The following BICD1 variants were observed in gnomAD, a reference collection of about 807,000 sequenced individuals.
BICD1 encodes protein bicaudal D homolog 1.
BICD1 carries 35 observed loss-of-function variants against 92.5 expected under a neutral mutation model. The ratio of observed to expected loss-of-function variants is 0.38; its 90% CI spans 0.29 to 0.50. The LOEUF (loss-of-function observed/expected upper bound fraction) is 0.50, where lower values mean the gene tolerates loss of function less well. Among genes scored for constraint, BICD1 ranks in the 20% least tolerant of loss-of-function variants. BICD1 has a pLI of 0.93. For missense variants in BICD1, 950 were observed against 1,189.8 expected, an observed-to-expected ratio of 0.80 and a Z score of 2.97; for synonymous variants, 429 against 465.1, an observed-to-expected ratio of 0.92 and a Z score of 1.00.
At chr12:32,305,635 A>G in intron 3 of BICD1, 62 bp from the exon 4 acceptor site, 1 of 1,471,770 alleles carries the variant, frequency 6.8e-7, no homozygotes, top group South Asian at 1.4e-5. Context: ...AGAGTGTTTA[A>G]TGGCAGTTTT....
At position 32,359,912 on chromosome 12, in the gene BICD1, G is replaced by A. The variant is rs149556448; in HGVS notation, c.2765-7758G>A. On this transcript the variant is annotated intron_variant, in intron 8 of 9. Transcript: ENST00000652176. Reference sequence around the variant, plus strand: ...AAGGATATGAGTATGTGGGCTGGGCGCAATGGCTCACACCTGTAATCCCAG... The same window carrying A: ...AAGGATATGAGTATGTGGGCTGGGCACAATGGCTCACACCTGTAATCCCAG... Among the ~76,000 whole-genome samples the A allele has an allele frequency of 2.0e-3, 307 of 152,232 alleles. 3 individuals carry two copies. The highest frequency in any genetic ancestry group is 6.7e-3 in the African/African-American group (278 of 41,548).
chr12:32,346,479 T>C (rs1219414588), intron 8 of BICD1, among the ~76,000 whole-genome samples: 2 of 141,224 alleles, frequency 1.4e-5, no homozygotes, highest in African/African-American at 5.1e-5. Flanking sequence ...ATTGTGCTAG[T>C]TCTTTCCAGC....
chr12:32,319,081 T>A (rs1948581485), intron 4 of BICD1, among the ~76,000 whole-genome samples: 1 of 152,178 alleles, frequency 6.6e-6, no homozygotes, highest in African/African-American at 2.4e-5. Flanking sequence ...GAGCACGTCA[T>A]CTGCAAATAA....
intron 1 of BICD1, among the ~76,000 whole-genome samples, chr12:32,151,370 C>T (rs1943281277): frequency 6.6e-6 from 1 of 152,204 alleles, no homozygotes; most frequent in South Asian, 2.1e-4. Context: ...GCCTGCCTTC[C>T]TACTCACCAG....
intron 1 of BICD1, among the ~76,000 whole-genome samples, chr12:32,125,606 A>T (rs1286552869): frequency 6.6e-6 from 1 of 152,202 alleles, no homozygotes; most frequent in Non-Finnish European, 1.5e-5. Flanking sequence ...GTGGTCTAAG[A>T]CATCTGACTA....
intron 1 of BICD1, among the ~76,000 whole-genome samples, chr12:32,168,267 A>C (rs1943830660): frequency 2.0e-5 from 3 of 152,120 alleles, no homozygotes; most frequent in African/African-American, 7.2e-5. Context: ...TTAGTTCTAT[A>C]TTTGTTCAAT....
Position 32,216,375 on chromosome 12 carries a change from C to T in BICD1, c.342C>T (p.Asn114=), listed in dbSNP as rs757356550. ...YYLGKILEMQ[N]ELKQSRAVVT... is the part of the protein sequence containing the mutation. ...TGGGGAAGATCTTGGAGATGCAGAA[C>T]GAGCTGAAACAGAGCCGGGCTGTGG... Residue 114 remains asparagine, a synonymous_variant, in exon 2 of 10, where the codon AAC becomes AAT. Coordinates refer to ENST00000652176, the MANE Select transcript of BICD1 (RefSeq NM_001714.4). 4.3e-6 allele frequency: 7 copies of T among 1,614,110 alleles called. No individual in the cohort carries two copies. In the Admixed American group the frequency reaches 6.7e-5, roughly 15 times the overall value.
chr12:32,309,889 T>C (rs113312364), intron 4 of BICD1, among the ~76,000 whole-genome samples: 15,287 of 152,190 alleles, frequency 0.1, 880 homozygotes, highest in African/African-American at 0.15. Context: ...ATTAACTCGT[T>C]ATTTACATTA....
At chr12:32,127,907 CTTTT>C (rs369889963) in intron 1 of BICD1, among the ~76,000 whole-genome samples, 1 of 143,692 alleles carries the variant, frequency 7.0e-6, no homozygotes, top group African/African-American at 2.6e-5. Context: ...TGATCTAATT[CTTTT>C]TTTTTTTTTT....
intron 1 of BICD1, among the ~76,000 whole-genome samples, chr12:32,140,432 G>T: frequency 6.6e-6 from 1 of 152,106 alleles, no homozygotes; most frequent in Non-Finnish European, 1.5e-5. Flanking sequence ...TAATATTTTA[G>T]AAAATGCCTA....
intron 2 of BICD1, among the ~76,000 whole-genome samples, chr12:32,219,890 CAG>C (rs1185365048): frequency 6.6e-6 from 1 of 152,096 alleles, no homozygotes; most frequent in East Asian, 1.9e-4. Flanking sequence ...GGTACCAAAA[CAG>C]AGATATAGAT....
intron 3 of BICD1, among the ~76,000 whole-genome samples, chr12:32,301,160 T>C (rs577564921): frequency 3.1e-4 from 47 of 152,322 alleles, no homozygotes; most frequent in Middle Eastern, 3.4e-3. Context: ...AGCATGCGTT[T>C]CTGGATTCCT....
At chr12:32,361,579 T>C (rs1261015503) in intron 8 of BICD1, among the ~76,000 whole-genome samples, 1 of 146,154 alleles carries the variant, frequency 6.8e-6, no homozygotes, top group Non-Finnish European at 1.5e-5. Flanking sequence ...GAAAGAAAGA[T>C]AAGAAAAAAA....
chr12:32,191,282 T>C (rs1214100574), intron 1 of BICD1, among the ~76,000 whole-genome samples: 1 of 152,088 alleles, frequency 6.6e-6, no homozygotes, highest in Non-Finnish European at 1.5e-5. Context: ...GATTTGTTTT[T>C]TGAAGAGAAA....
intron 1 of BICD1, among the ~76,000 whole-genome samples, chr12:32,212,589 TA>T (rs1371156541): frequency 6.6e-6 from 1 of 152,150 alleles, no homozygotes; most frequent in Non-Finnish European, 1.5e-5. Context: ...CACGCCCAGC[TA>T]ATCTTTGTAT....
At chr12:32,355,831 G>A (rs325416) in intron 8 of BICD1, among the ~76,000 whole-genome samples, 67,369 of 151,598 alleles carry the variant, frequency 0.44, 16,265 homozygotes, top group Admixed American at 0.57. Context: ...AAATGCCGAA[G>A]GAGATGAGAG....
At chr12:32,181,560 A>G (rs192802085) in intron 1 of BICD1, among the ~76,000 whole-genome samples, 70 of 152,064 alleles carry the variant, frequency 4.6e-4, no homozygotes, top group African/African-American at 1.6e-3. Flanking sequence ...AAAAGTTACT[A>G]TCAGGAGCCT....
chr12:32,237,420 A>G (rs1478606229), intron 2 of BICD1, among the ~76,000 whole-genome samples: 1 of 152,252 alleles, frequency 6.6e-6, no homozygotes, highest in Non-Finnish European at 1.5e-5. Flanking sequence ...CCAAATAACA[A>G]ATCTTCAAAT....
At chr12:32,329,117 T>C (rs1217790095) in intron 5 of BICD1, among the ~76,000 whole-genome samples, 4 of 152,178 alleles carry the variant, frequency 2.6e-5, no homozygotes, top group Non-Finnish European at 4.4e-5. Flanking sequence ...TTTTTATTTT[T>C]GTTTTGAGAC....
Sources: gnomAD v4.1 joint callset for allele counts (sites outside exome capture counted in the v4.1 genomes callset) on GRCh38, gnomAD v4.1.1 for gene constraint, MANE v1.5 for transcripts, NCBI Gene and HGNC (gene_info 2026-07-23, HGNC 2026-07-21) for gene names.